COL23A1: variants seen among roughly 807,000 people sequenced by gnomAD.
COL23A1 encodes the protein collagen alpha-1(XXIII) chain.
In COL23A1, 97 loss-of-function variants were observed where a neutral mutation model predicts 99.3. The observed-to-expected ratio is 0.98, with a 90% CI of 0.83 to 1.16. The LOEUF (loss-of-function observed/expected upper bound fraction) is 1.16, where lower values mean the gene tolerates loss of function less well. Among genes scored for constraint, COL23A1 ranks in the 50% most tolerant of loss-of-function variants. The pLI, the probability that COL23A1 is intolerant of heterozygous loss-of-function variation, is 0.00. For synonymous variants in COL23A1, 320 were observed against 308.2 expected (o/e 1.04, Z -0.40); for missense variants, 762 against 757.4 (o/e 1.01, Z -0.07).
chr5:178,445,661 A>C (rs758144945), intron 2 of COL23A1, among the ~76,000 whole-genome samples: 2 of 152,188 alleles, frequency 1.3e-5, no homozygotes, highest in Non-Finnish European at 2.9e-5. Flanking sequence ...ACTACATCGA[A>C]AAGATGAAGT....
intron 2 of COL23A1, among the ~76,000 whole-genome samples, chr5:178,499,360 A>G (rs1758402014): frequency 6.6e-6 from 1 of 152,236 alleles, no homozygotes; most frequent in Non-Finnish European, 1.5e-5. Context: ...TTGCCCCACC[A>G]GATGACTCAA....
At chr5:178,252,741 T>A in intron 16 of COL23A1, 144 bp from the exon 17 acceptor site, 1 of 663,054 alleles carries the variant, frequency 1.5e-6, no homozygotes, top group Non-Finnish European at 2.6e-6. Flanking sequence ...TCTTCCCCAG[T>A]CAGGTCAGGC....
At chr5:178,260,528 C>T (rs1157929426) in intron 11 of COL23A1, among the ~76,000 whole-genome samples, 3 of 152,198 alleles carry the variant, frequency 2.0e-5, no homozygotes, top group Admixed American at 6.5e-5. Flanking sequence ...GGCACGGTGG[C>T]TCATGCCTGT....
At chr5:178,503,878 G>A (rs1279881254) in intron 2 of COL23A1, among the ~76,000 whole-genome samples, 5 of 152,144 alleles carry the variant, frequency 3.3e-5, no homozygotes, top group Non-Finnish European at 5.9e-5. Context: ...AAGGCGGAGC[G>A]GGCAGAGCCC....
At position 178,371,102 on chromosome 5, in the gene COL23A1, T is replaced by C. The variant is rs114765943; in HGVS notation, c.362-64183A>G. Reference sequence around the variant, plus strand: ...ATGAGGTTGACGTCTCTCTCTGCCATGTAGACATGTATCAGAAACATCATG... The same window carrying C: ...ATGAGGTTGACGTCTCTCTCTGCCACGTAGACATGTATCAGAAACATCATG... On this transcript the variant is annotated intron_variant, in intron 2 of 28. Coordinates refer to ENST00000390654, the MANE Select transcript of COL23A1 (RefSeq NM_173465.4). Among the ~76,000 whole-genome samples, 1,434 of 152,214 alleles carry C rather than the reference T, an allele frequency of 9.4e-3. 24 individuals are homozygous for C. Among genetic ancestry groups the C allele is most frequent in the African/African-American group, 0.033 (1,359 of 41,458 alleles).
At chr5:178,563,840 C>T (rs1325371951) in intron 1 of COL23A1, among the ~76,000 whole-genome samples, 3 of 152,074 alleles carry the variant, frequency 2.0e-5, no homozygotes, top group African/African-American at 2.4e-5. Flanking sequence ...CCAGAACTCA[C>T]GCTTTTCCCC....
chr5:178,419,089 C>T (rs1464762462), intron 2 of COL23A1, among the ~76,000 whole-genome samples: 2 of 152,186 alleles, frequency 1.3e-5, no homozygotes, highest in Admixed American at 6.5e-5. Flanking sequence ...CCCTGTCCTC[C>T]TCCACCCAGG....
intron 2 of COL23A1, among the ~76,000 whole-genome samples, chr5:178,379,842 T>C (rs146861206): frequency 6.4e-4 from 95 of 149,368 alleles, no homozygotes; most frequent in African/African-American, 2.3e-3. Flanking sequence ...GGTCACGCCA[T>C]TGCACTCCAG....
intron 2 of COL23A1, among the ~76,000 whole-genome samples, chr5:178,494,685 G>A (rs1471553222): frequency 2.0e-5 from 3 of 152,176 alleles, no homozygotes; most frequent in Non-Finnish European, 4.4e-5. Flanking sequence ...AGTGCTGGGT[G>A]AGAGGTGACT....
rs1764227311 is a variant in COL23A1 at position 178,238,559 on chromosome 5, C to T, written c.*139G>A. 8.6e-7 allele frequency: 1 copy of T among 1,167,752 alleles called. No homozygotes were observed. Among genetic ancestry groups the T allele is most frequent in the Admixed American group, 2.0e-5 (1 of 50,776 alleles). 72.3% of individuals were successfully genotyped at this position (1,167,752 alleles called of 1,614,324 possible). On this transcript the variant is annotated 3_prime_UTR_variant, in exon 29 of 29. Transcript: ENST00000390654. ...GCTTCACATGCCGGTGGCTTTGGGGCTGGGTGGGCATACTCTTGAATGTTA... is the reference window on the plus strand; with the variant it reads ...GCTTCACATGCCGGTGGCTTTGGGGTTGGGTGGGCATACTCTTGAATGTTA...
At chr5:178,282,366 T>C (rs1222018810) in intron 5 of COL23A1, among the ~76,000 whole-genome samples, 1 of 152,106 alleles carries the variant, frequency 6.6e-6, no homozygotes, top group Non-Finnish European at 1.5e-5. Flanking sequence ...AATACAATAG[T>C]TGGGAAGGGA....
chr5:178,430,478 G>T (rs11959914), intron 2 of COL23A1, among the ~76,000 whole-genome samples: 1 of 152,018 alleles, frequency 6.6e-6, no homozygotes, highest in Non-Finnish European at 1.5e-5. Flanking sequence ...TTCTGTGCTC[G>T]TGAGAGGCGA....
At position 178,365,245 on chromosome 5, in the gene COL23A1, G is replaced by A. The variant is rs2127712013; in HGVS notation, c.362-58326C>T. 6.6e-6 allele frequency among the ~76,000 whole-genome samples: 1 copy of A among 151,888 alleles called. No individual in the cohort carries two copies. Among genetic ancestry groups the A allele is most frequent in the African/African-American group, 2.4e-5 (1 of 41,460 alleles). ...TATGGGGTCCAGCCCCAGCGCACAG[G>A]AAACCCTGCTCAGGCAGATGGTGTG... On this transcript the variant is annotated intron_variant, in intron 2 of 28. Coordinates refer to ENST00000390654, the MANE Select transcript of COL23A1 (RefSeq NM_173465.4). This position sits in a 1 kb window ranked among gnomAD's most constrained non-coding sequence, Gnocchi z 5.2.
chr5:178,510,760 C>A (rs998029259), intron 2 of COL23A1, among the ~76,000 whole-genome samples: 1 of 152,022 alleles, frequency 6.6e-6, no homozygotes, highest in African/African-American at 2.4e-5. Flanking sequence ...AAAGATGCCT[C>A]CAGGAAGCCC....
chr5:178,299,878 C>T (rs891308074), intron 3 of COL23A1, among the ~76,000 whole-genome samples: 2 of 150,940 alleles, frequency 1.3e-5, no homozygotes. Flanking sequence ...CTCAGCCTCC[C>T]GAGTAGCTGG....
At position 178,254,999 on chromosome 5, in the gene COL23A1, C is replaced by T; in HGVS notation, c.910G>A (p.Gly304Arg). 1 of 1,613,712 alleles carries T rather than the reference C, an allele frequency of 6.2e-7. No individual in the cohort carries two copies. Among genetic ancestry groups the T allele is most frequent in the Non-Finnish European group, 8.5e-7 (1 of 1,179,776 alleles). ...TCATAGTCGATCACCACTGTGTCTC[C>T]CTGCTCGCCCTTGAGGCCTGGGGCA... ...RGAPGLKGEQ[G>R]DTVVIDYDGR... The change falls in exon 16 of 29, where the codon GGA (glycine) becomes AGA (arginine). Residue 304 changes from glycine to arginine, a missense_variant. Gly to Arg is a moderately radical substitution (Grantham distance 125). Transcript: ENST00000390654.
At chr5:178,469,445 G>A (rs1180281861) in intron 2 of COL23A1, among the ~76,000 whole-genome samples, 2 of 152,044 alleles carry the variant, frequency 1.3e-5, no homozygotes, top group African/African-American at 2.4e-5. Flanking sequence ...CACATTCTAC[G>A]AAGCTCCATC....
chr5:178,489,180 C>A (rs1371213351), intron 2 of COL23A1, among the ~76,000 whole-genome samples: 1 of 152,214 alleles, frequency 6.6e-6, no homozygotes, highest in Non-Finnish European at 1.5e-5. Flanking sequence ...CACCACCCAA[C>A]GGCTGGGGGC....
intron 2 of COL23A1, among the ~76,000 whole-genome samples, chr5:178,364,596 C>T (rs530819656): frequency 1.3e-5 from 2 of 152,294 alleles, no homozygotes; most frequent in Non-Finnish European, 2.9e-5. Flanking sequence ...TCTCCAACAT[C>T]AGCAGACACC....
Sources: gnomAD v4.1 joint callset for allele counts (sites outside exome capture counted in the v4.1 genomes callset) on GRCh38, gnomAD v4.1.1 for gene constraint, Gnocchi (gnomAD v3.1) non-coding constraint, MANE v1.5 for transcripts, NCBI Gene and HGNC (gene_info 2026-07-23, HGNC 2026-07-21) for gene names.